Variants in PYCR3 observed in about 807,000 individuals in gnomAD.
The protein encoded by PYCR3 is pyrroline-5-carboxylate reductase 3, also known as P5C reductase 3.
Under a neutral mutation model 23.4 loss-of-function variants are expected in PYCR3, and 26 were observed. That is an observed-to-expected ratio of 1.11 (90% confidence interval 0.81 to 1.54). PYCR3 has a LOEUF of 1.54. PYCR3 is among the 40% of genes most tolerant of loss of function. PYCR3 has a pLI of 0.00. For synonymous variants in PYCR3, 194 were observed against 162.6 expected, an observed-to-expected ratio of 1.19 and a Z score of -1.47; for missense variants, 360 against 376.3, an observed-to-expected ratio of 0.96 and a Z score of 0.36.
chr8:143,605,709 G>T lies in PYCR3; in HGVS notation c.816C>A (p.Ser272Arg). The part of the protein sequence containing the change: ...EAATCRAKEL[S>R]RK ...ATGGCCAGAGCCCAGCCTACTTTCTGCTGAGCTCCTTGGCCCGGCAGGTGG... is the reference window on the plus strand; with the variant it reads ...ATGGCCAGAGCCCAGCCTACTTTCTTCTGAGCTCCTTGGCCCGGCAGGTGG... The change falls in exon 6 of 6, where the codon AGC becomes AGA. Residue 272 changes from serine to arginine, a missense_variant. Coordinates refer to ENST00000495276, the MANE Select transcript of PYCR3 (RefSeq NM_023078.6). 6.3e-7 allele frequency: 1 copy of T among 1,598,298 alleles called. No homozygotes were observed. The highest frequency in any genetic ancestry group is 1.1e-5 in the South Asian group (1 of 90,530).
Position 143,606,174 on chromosome 8 carries a change from G to T in PYCR3, c.550-20C>A. ...ACACACCTGTAGCCGCGGCATGGTG[G>T]TTGGGGGGGATAGGTGTCAAAGCCT... On this transcript the variant is annotated intron_variant, in intron 4 of 5. Transcript: ENST00000495276. The T allele has an allele frequency of 6.3e-7, 1 of 1,591,564 alleles. No individual in the cohort carries two copies. Among genetic ancestry groups the T allele is most frequent in the Non-Finnish European group, 8.6e-7 (1 of 1,168,804 alleles).
In PYCR3 at chr8:143,603,666, C is replaced by A. The variant is rs1325078622; in HGVS notation, c.*2034G>T. 1.3e-5 allele frequency among the ~76,000 whole-genome samples: 2 copies of A among 152,208 alleles called. No individual in the cohort carries two copies. Among genetic ancestry groups the A allele is most frequent in the Non-Finnish European group, 2.9e-5 (2 of 68,022 alleles). ...TGTCCACCTTCCTTCAGGGGGCCGC[C>A]TGCACCAGACCCCAGGCTCCCAGGC... On this transcript the variant is annotated 3_prime_UTR_variant, in exon 6 of 6. Transcript: ENST00000495276.
chr8:143,606,512 G>C lies in PYCR3; in HGVS notation c.504C>G (p.Ala168=). 1 of 1,612,922 alleles carries C rather than the reference G, an allele frequency of 6.2e-7. No homozygotes were observed. Among genetic ancestry groups the C allele is most frequent in the East Asian group, 2.2e-5 (1 of 44,880 alleles). Residue 168 remains alanine (A), a synonymous_variant, in exon 4 of 6, where the codon GCC becomes GCG. Transcript: ENST00000495276. ...ACGRCEEVPE[A]YVDIHTGLSG... is the part of the protein sequence containing the mutation. ...TGAGGCCAGTGTGGATGTCGACGTA[G>C]GCTTCAGGCACCTCCTCACACCGCC...
chr8:143,609,503 C>T lies in PYCR3; in HGVS notation c.46G>A (p.Ala16Thr). 3 of 1,516,704 alleles carry T rather than the reference C, an allele frequency of 2.0e-6. No homozygotes were observed. The highest frequency in any genetic ancestry group is 2.7e-5 in the East Asian group (1 of 37,622). 94.0% of individuals were successfully genotyped at this position (1,516,704 alleles called of 1,614,324 possible). Residue 16 changes from alanine to threonine, a missense_variant, in exon 1 of 6, where the codon GCG becomes ACG. Transcript: ENST00000495276. Reference protein sequence around the residue: ...PSPRRVGFVGAGRMAGAIAQG... With the variant: ...PSPRRVGFVGTGRMAGAIAQG... ...GCGATGGCCCCCGCCATGCGGCCCG[C>T]GCCCACGAAGCCCACGCGCCGCGGA...
In PYCR3 at chr8:143,605,616, G is replaced by C; in HGVS notation, c.*84C>G. ...GGAGCAGTAGGAGACCCTCATGCAG[G>C]AGGGAGGGAGCCGCAGTCCTCAGGG... On this transcript the variant is annotated 3_prime_UTR_variant, in exon 6 of 6. Coordinates refer to ENST00000495276, the MANE Select transcript of PYCR3 (RefSeq NM_023078.6). 1 of 1,249,904 alleles carries C rather than the reference G, an allele frequency of 8.0e-7. No individual in the cohort carries two copies. Among genetic ancestry groups the C allele is most frequent in the Non-Finnish European group, 1.1e-6 (1 of 900,340 alleles). 77.4% of individuals were successfully genotyped at this position (1,249,904 alleles called of 1,614,324 possible). A position where few individuals can be genotyped will look rare whatever the true frequency, so the allele number is the denominator to read the frequency against.
intron 2 of PYCR3, among the ~76,000 whole-genome samples, chr8:143,607,782 C>T (rs1829444735): frequency 1.3e-5 from 2 of 152,218 alleles, no homozygotes; most frequent in South Asian, 4.1e-4. Context: ...CACACATGCA[C>T]ACGCATAGCC....
intron 3 of PYCR3, 109 bp downstream of exon 3, chr8:143,606,844 A>G (rs1829415461): frequency 7.2e-7 from 1 of 1,389,438 alleles, no homozygotes; most frequent in Non-Finnish European, 9.8e-7. Context: ...CACTTGATCC[A>G]GGTGGGCCAC....
Position 143,605,039 on chromosome 8 carries a change from C to T in PYCR3, c.*661G>A. ...CCCACCTACCACTGCCCACCTGGTGCCACCCCAGCACTGCCGCAGACCTGG... is the reference window on the plus strand; with the variant it reads ...CCCACCTACCACTGCCCACCTGGTGTCACCCCAGCACTGCCGCAGACCTGG... On this transcript the variant is annotated 3_prime_UTR_variant, in exon 6 of 6. Transcript: ENST00000495276. 2 of 440,968 alleles carry T rather than the reference C, an allele frequency of 4.5e-6. No individual in the cohort carries two copies. The highest frequency in any genetic ancestry group is 9.1e-6 in the Non-Finnish European group (2 of 220,104). 27.3% of individuals were successfully genotyped at this position (440,968 alleles called of 1,614,324 possible).
chr8:143,608,299 C>G, intron 1 of PYCR3, 173 bp from the exon 2 acceptor site: 1 of 602,298 alleles, frequency 1.7e-6, no homozygotes, highest in Non-Finnish European at 2.9e-6. Flanking sequence ...CCCAGGCAAT[C>G]AGATCCACTG....
chr8:143,605,537 C>G lies in PYCR3; in HGVS notation c.*163G>C. The G allele has an allele frequency of 1.5e-6, 1 of 676,740 alleles. No homozygotes were observed. The highest frequency in any genetic ancestry group is 2.4e-6 in the Non-Finnish European group (1 of 411,592). The allele number at this position is 676,740 out of a possible 1,614,324, so 41.9% of individuals were successfully genotyped here. ...GTCCCCACTGGTCGGGGCTCCCCCG[C>G]CTGCTGGAACCTCCCAAGTCCTGCC... On this transcript the variant is annotated 3_prime_UTR_variant, in exon 6 of 6. Coordinates refer to ENST00000495276, the MANE Select transcript of PYCR3 (RefSeq NM_023078.6).
rs1222805472 is a variant in PYCR3, at chr8:143,603,919, CAG to C, written c.*1779_*1780del. On this transcript the variant is annotated 3_prime_UTR_variant, in exon 6 of 6. Coordinates refer to ENST00000495276, the MANE Select transcript of PYCR3 (RefSeq NM_023078.6). ...ACCTTCTTTTTTTTTTTTTCCAAGACAGAGTCTTGCTGTCACCCAGGCTGGAG... is the reference window on the plus strand; with the variant it reads ...ACCTTCTTTTTTTTTTTTTCCAAGACAGTCTTGCTGTCACCCAGGCTGGAG... 4 of 150,604 alleles carry C rather than the reference CAG, an allele frequency of 2.7e-5. No homozygotes were observed. The highest frequency in any genetic ancestry group is 7.3e-5 in the African/African-American group (3 of 40,924). 9.3% of individuals were successfully genotyped at this position (150,604 alleles called of 1,614,324 possible). A position where few individuals can be genotyped will look rare whatever the true frequency, so the allele number is the denominator to read the frequency against.
Position 143,605,588 on chromosome 8 carries a change from G to T in PYCR3, c.*112C>A. ...CCCTGCATTTCCCTGTGCAAGGGGA[G>T]AAGGAGCAGTAGGAGACCCTCATGC... On this transcript the variant is annotated 3_prime_UTR_variant, in exon 6 of 6. Transcript: ENST00000495276. The T allele has an allele frequency of 1.0e-6, 1 of 1,001,072 alleles. No individual in the cohort carries two copies. The highest frequency in any genetic ancestry group is 1.4e-6 in the Non-Finnish European group (1 of 693,672). The allele number at this position is 1,001,072 out of a possible 1,614,324, so 62.0% of individuals were successfully genotyped here.
chr8:143,608,986 G>A (rs1829473388), intron 1 of PYCR3: 2 of 439,118 alleles, frequency 4.6e-6, no homozygotes, highest in Admixed American at 2.4e-5. Flanking sequence ...CGGGTATAAA[G>A]CAGTGTTTCT....
Position 143,608,038 on chromosome 8 carries a change from G to A in PYCR3, c.156+24C>T, listed in dbSNP as rs747580032. On this transcript the variant is annotated intron_variant, in intron 2 of 5. Coordinates refer to ENST00000495276, the MANE Select transcript of PYCR3 (RefSeq NM_023078.6). ...AGCTATCCTGGGCTCCTGAGGGTATGAAGAACCTGGGCTCTATGCTCACTT... is the reference window on the plus strand; with the variant it reads ...AGCTATCCTGGGCTCCTGAGGGTATAAAGAACCTGGGCTCTATGCTCACTT... 4.1e-5 allele frequency: 65 copies of A among 1,594,330 alleles called. 1 individual carries two copies. In the Admixed American group the frequency reaches 1.1e-3, roughly 26 times the overall value.
At chr8:143,607,583 C>T (rs1356740685) in intron 2 of PYCR3, among the ~76,000 whole-genome samples, 2 of 152,152 alleles carry the variant, frequency 1.3e-5, no homozygotes, top group East Asian at 3.9e-4. Flanking sequence ...CACACACGCA[C>T]TCATATACAC....
intron 2 of PYCR3, 147 bp from the exon 3 acceptor site, chr8:143,607,279 G>C (rs1281440257): frequency 1.3e-6 from 1 of 755,004 alleles, no homozygotes; most frequent in East Asian, 3.0e-5. Flanking sequence ...GACTTCTCCA[G>C]TGCCCAAGAC....
At position 143,606,001 on chromosome 8, in the gene PYCR3, G is replaced by A. The variant is rs141900998; in HGVS notation, c.642+61C>T. ...CTTCTCGAGCCTGCTGTTTCCCTGC[G>A]CACTGGAAGAGGTACAGGCCTGGGC... On this transcript the variant is annotated intron_variant, in intron 5 of 5. Transcript: ENST00000495276. 1.6e-3 allele frequency: 2,456 copies of A among 1,558,766 alleles called. 23 individuals carry two copies. In the African/African-American group the frequency reaches 0.028, roughly 18 times the overall value.
chr8:143,608,101 C>A lies in PYCR3; in HGVS notation c.117G>T (p.Leu39=), dbSNP rs766371627. The A allele has an allele frequency of 6.2e-6, 10 of 1,613,810 alleles. No homozygotes were observed. The East Asian group carries it at 2.2e-4, about 36-fold the overall frequency. ...GGTTCCTGTCTGTTGGTGCACTGGC[C>A]AGTATGTGCTGAGCTTCCACTTTTC... ...RAGKVEAQHI[L]ASAPTDRNLC... Residue 39 remains leucine (L), a synonymous_variant, in exon 2 of 6, where the codon CTG becomes CTT. Coordinates refer to ENST00000495276, the MANE Select transcript of PYCR3 (RefSeq NM_023078.6).
intron 2 of PYCR3, among the ~76,000 whole-genome samples, chr8:143,607,671 C>T (rs1829440635): frequency 6.6e-6 from 1 of 152,166 alleles, no homozygotes; most frequent in Non-Finnish European, 1.5e-5. Flanking sequence ...TGAGCATGCA[C>T]TCATACACAC....
Sources: gnomAD v4.1 joint callset for allele counts (sites outside exome capture counted in the v4.1 genomes callset) on GRCh38, gnomAD v4.1.1 for gene constraint, MANE v1.5 for transcripts, NCBI Gene and HGNC (gene_info 2026-07-23, HGNC 2026-07-21) for gene names.